SLC15A1: variants seen among roughly 807,000 people sequenced by gnomAD.
The protein encoded by SLC15A1 is Caco-2 oligopeptide transporter.
In SLC15A1, 83 loss-of-function variants were observed where a neutral mutation model predicts 92.9. The observed-to-expected ratio is 0.89, with a 90% CI of 0.75 to 1.07. SLC15A1 has a LOEUF of 1.07. Among genes scored for constraint, SLC15A1 ranks in the 50% least tolerant of loss-of-function variants. The probability of loss-of-function intolerance (pLI) is 0.00; values close to 1 mark genes in which losing one functional copy is unlikely to be tolerated. For missense variants in SLC15A1, 857 were observed against 880.1 expected (o/e 0.97, Z 0.33); for synonymous variants, 322 against 318.2 (o/e 1.01, Z -0.13).
At chr13:98,718,954 C>T (rs1227112281) in intron 8 of SLC15A1, among the ~76,000 whole-genome samples, 1 of 152,168 alleles carries the variant, frequency 6.6e-6, no homozygotes, top group Non-Finnish European at 1.5e-5. Flanking sequence ...TGCTGGGCCT[C>T]TCTCACCTTC....
chr13:98,743,654 G>A (rs1387949388), intron 1 of SLC15A1, among the ~76,000 whole-genome samples: 2 of 152,030 alleles, frequency 1.3e-5, no homozygotes, highest in Non-Finnish European at 1.5e-5. Flanking sequence ...GGTAGAGGCC[G>A]GGTAGTCAGG....
At chr13:98,697,884 C>T (rs1247398733) in intron 18 of SLC15A1, among the ~76,000 whole-genome samples, 1 of 152,192 alleles carries the variant, frequency 6.6e-6, no homozygotes, top group South Asian at 2.1e-4. Context: ...GATAGTGGTT[C>T]AGCAGGACGA....
intron 18 of SLC15A1, among the ~76,000 whole-genome samples, chr13:98,698,637 A>T (rs1387513333): frequency 6.6e-6 from 1 of 152,146 alleles, no homozygotes; most frequent in Non-Finnish European, 1.5e-5. Flanking sequence ...GGGTTTCACC[A>T]TGTTGACCAG....
intron 1 of SLC15A1, among the ~76,000 whole-genome samples, chr13:98,733,962 G>A (rs1021840982): frequency 6.6e-5 from 10 of 152,058 alleles, no homozygotes; most frequent in African/African-American, 1.4e-4. Flanking sequence ...AGATCTGGTC[G>A]TTTTATTTTA....
At chr13:98,745,593 T>G (rs898256322) in intron 1 of SLC15A1, among the ~76,000 whole-genome samples, 25 of 151,228 alleles carry the variant, frequency 1.7e-4, no homozygotes, top group Non-Finnish European at 3.5e-4. Context: ...ACGGCAGGGG[T>G]GTGTCCGCAA....
At position 98,706,322 on chromosome 13, in the gene SLC15A1, C is replaced by A; in HGVS notation, c.1150-69G>T. 3.8e-6 allele frequency: 6 copies of A among 1,559,294 alleles called. No individual in the cohort carries two copies. The South Asian group carries it at 7.1e-5, about 18-fold the overall frequency. On this transcript the variant is annotated intron_variant, in intron 15 of 22. Coordinates refer to ENST00000376503, the MANE Select transcript of SLC15A1 (RefSeq NM_005073.4). Reference sequence around the variant, plus strand: ...ACATGGAAAGTCATCTTAACCCTGACAAGGGGGTGCTTTCCTCCAGCTGGG... The same window carrying A: ...ACATGGAAAGTCATCTTAACCCTGAAAAGGGGGTGCTTTCCTCCAGCTGGG...
Position 98,717,045 on chromosome 13 carries a change from A to C in SLC15A1, c.641-1085T>G, listed in dbSNP as rs1196445690. 2.6e-5 allele frequency among the ~76,000 whole-genome samples: 4 copies of C among 152,330 alleles called. No individual in the cohort carries two copies. The South Asian group carries it at 6.2e-4, about 24-fold the overall frequency. ...ATCATCTTATTAAAAAATTTTTAAA[A>C]ATTTAAAGCATTGTTGCAAGTATAT... On this transcript the variant is annotated intron_variant, in intron 8 of 22. Transcript: ENST00000376503.
At chr13:98,750,353 C>T (rs150966791) in intron 1 of SLC15A1, among the ~76,000 whole-genome samples, 2,792 of 152,174 alleles carry the variant, frequency 0.018, 93 homozygotes, top group African/African-American at 0.063. Context: ...ACTTATGATC[C>T]GCCCGCCTCG....
chr13:98,730,770 C>T (rs1205131913), intron 1 of SLC15A1, among the ~76,000 whole-genome samples: 1 of 152,226 alleles, frequency 6.6e-6, no homozygotes, highest in African/African-American at 2.4e-5. Context: ...CCCCGTTTAT[C>T]AGTCACAGAG....
Position 98,708,746 on chromosome 13 carries a change from A to G in SLC15A1, c.1089T>C (p.Val363=), listed in dbSNP as rs139917919. 4 of 1,612,096 alleles carry G rather than the reference A, an allele frequency of 2.5e-6. No individual in the cohort carries two copies. In the African/African-American group the frequency reaches 4.0e-5, roughly 16 times the overall value. The stretch of plus-strand genomic sequence containing the variant: ...AGGCCATGGAGGCCAGGACCATGCC[A>G]ACTGCCATCTTCTTCAAGGAGCTGA... The part of the protein sequence containing the change: ...FNFTSLKKMA[V]GMVLASMAFV... The change falls in exon 15 of 23, where the codon GTT becomes GTC. Residue 363 remains valine (V), a synonymous_variant. Coordinates refer to ENST00000376503, the MANE Select transcript of SLC15A1 (RefSeq NM_005073.4).
At chr13:98,726,032 A>T in intron 4 of SLC15A1, 91 bp downstream of exon 4, 1 of 1,487,390 alleles carries the variant, frequency 6.7e-7, no homozygotes, top group Middle Eastern at 2.3e-4. Flanking sequence ...CTGTTCTTTG[A>T]TTCATCATTC....
At chr13:98,725,386 G>A (rs545831222) in intron 4 of SLC15A1, among the ~76,000 whole-genome samples, 4 of 152,220 alleles carry the variant, frequency 2.6e-5, no homozygotes, top group South Asian at 4.1e-4. Context: ...GGGTGTGCTC[G>A]TGGAGCCCTT....
At chr13:98,695,848 G>A (rs1296231702) in intron 18 of SLC15A1, among the ~76,000 whole-genome samples, 2 of 152,082 alleles carry the variant, frequency 1.3e-5, no homozygotes, top group Non-Finnish European at 2.9e-5. Context: ...ATATTGCTCA[G>A]AAGTCTGACT....
chr13:98,719,306 T>C lies in SLC15A1; in HGVS notation c.571A>G (p.Ile191Val). 6.2e-7 allele frequency: 1 copy of C among 1,613,298 alleles called. No homozygotes were observed. The highest frequency in any genetic ancestry group is 8.5e-7 in the Non-Finnish European group (1 of 1,179,320). Residue 191 changes from isoleucine (I) to valine (V), a missense_variant, in exon 8 of 23, where the codon ATT becomes GTT. Ile to Val is a conservative substitution (Grantham distance 29). Coordinates refer to ENST00000376503, the MANE Select transcript of SLC15A1 (RefSeq NM_005073.4). ...TPMLRVQQCG[I>V]HSKQACYPLA... Reference sequence around the variant, plus strand: ...GGGTAACAAGCTTGTTTACTGTGAATTCCACATTGTTGAACTGGGGAGAAA... The same window carrying C: ...GGGTAACAAGCTTGTTTACTGTGAACTCCACATTGTTGAACTGGGGAGAAA...
Position 98,740,028 on chromosome 13 carries a change from C to A in SLC15A1, c.4+12567G>T, listed in dbSNP as rs192115273. ...TTACATTGACCCAAAGTAGAAGTGC[C>A]GATGATGTCACGCTGGAAGTCAGAC... On this transcript the variant is annotated intron_variant, in intron 1 of 22. Transcript: ENST00000376503. 1.1e-4 allele frequency among the ~76,000 whole-genome samples: 17 copies of A among 152,180 alleles called. No homozygotes were observed. In the East Asian group the frequency reaches 2.5e-3, roughly 23 times the overall value.
chr13:98,686,334 C>T (rs1308695138), intron 21 of SLC15A1, 37 bp from the exon 22 acceptor site: 1 of 1,431,624 alleles, frequency 7.0e-7, no homozygotes. Flanking sequence ...TGCTCCAGGT[C>T]TCACCCTCCG....
intron 1 of SLC15A1, among the ~76,000 whole-genome samples, chr13:98,740,355 A>C (rs2088434505): frequency 6.6e-6 from 1 of 152,136 alleles, no homozygotes; most frequent in Non-Finnish European, 1.5e-5. Flanking sequence ...AGCTTCCCCC[A>C]GTGGAGAACC....
intron 18 of SLC15A1, among the ~76,000 whole-genome samples, chr13:98,697,636 TA>T (rs903323424): frequency 9.9e-5 from 14 of 140,928 alleles, no homozygotes; most frequent in African/African-American, 2.8e-4. Context: ...TTTTTTTTTT[TA>T]AATCTTTTAG....
rs78350626 is a variant in SLC15A1 at position 98,715,923 on chromosome 13, G to A, written c.678C>T (p.Phe226=). The part of the protein sequence containing the change: ...FVLGSGMYKK[F]KPQGNIMGKV... ...TACCCATGATGTTGCCCTGTGGCTTGAACTTCTTGTACATCCCACTGCCAA... is the reference window on the plus strand; with the variant it reads ...TACCCATGATGTTGCCCTGTGGCTTAAACTTCTTGTACATCCCACTGCCAA... The change falls in exon 9 of 23, where the codon TTC becomes TTT. Residue 226 remains phenylalanine (F), a synonymous_variant. Transcript: ENST00000376503. 2.5e-6 allele frequency: 4 copies of A among 1,614,140 alleles called. No homozygotes were observed. The highest frequency in any genetic ancestry group is 3.4e-6 in the Non-Finnish European group (4 of 1,180,026).
Sources: allele counts gnomAD v4.1 joint callset (sites outside exome capture counted in the v4.1 genomes callset), GRCh38; gene constraint gnomAD v4.1.1; transcripts MANE v1.5; gene names NCBI Gene and HGNC (gene_info 2026-07-23, HGNC 2026-07-21).